The following NID2 variants were observed in gnomAD, a reference collection of about 807,000 sequenced individuals.
NID2 encodes nidogen-2.
Under a neutral mutation model 145.4 loss-of-function variants are expected in NID2, and 83 were observed. That is an observed-to-expected ratio of 0.57 (90% CI 0.48 to 0.69). The LOEUF is 0.69. Among genes scored for constraint, NID2 ranks in the 30% least tolerant of loss-of-function variants. The probability of loss-of-function intolerance (pLI) is 0.00; values close to 1 mark genes in which losing one functional copy is unlikely to be tolerated. For missense variants in NID2, 1,807 were observed against 1,765.7 expected (o/e 1.02, Z -0.42); for synonymous variants, 739 against 701.3 (o/e 1.05, Z -0.85).
intron 12 of NID2, among the ~76,000 whole-genome samples, chr14:52,020,711 T>C (rs150602119): frequency 6.6e-6 from 1 of 152,336 alleles, no homozygotes; most frequent in East Asian, 1.9e-4. Context: ...TCTTACTATC[T>C]AGAACCACAC....
At position 52,005,115 on chromosome 14, in the gene NID2, A is replaced by C. The variant is rs1279336108; in HGVS notation, c.*371T>G. 5.5e-6 allele frequency: 1 copy of C among 181,058 alleles called. No homozygotes were observed. Among genetic ancestry groups the C allele is most frequent in the African/African-American group, 2.4e-5 (1 of 42,440 alleles). 11.2% of individuals were successfully genotyped at this position (181,058 alleles called of 1,614,324 possible). ...TGTTATATTGATCACATGTGCTTTA[A>C]TTTCTTGGCCAGAAGGAATCCATGG... On this transcript the variant is annotated 3_prime_UTR_variant, in exon 22 of 22. Coordinates refer to ENST00000216286, the MANE Select transcript of NID2 (RefSeq NM_007361.4).
At chr14:52,020,322 A>C (rs1891357966) in intron 12 of NID2, 144 bp from the exon 13 acceptor site, 5 of 1,361,628 alleles carry the variant, frequency 3.7e-6, no homozygotes. Context: ...TGAGCAGAAA[A>C]ATGCTGACAC....
rs77486521 is a variant in NID2, at chr14:52,062,246, C to T, written c.535-1890G>A. ...ATCAGCAGTTCTTTTAGTTCTCTAACCCAGAAAAAACAACATCTTGCTTTG... is the reference window on the plus strand; with the variant it reads ...ATCAGCAGTTCTTTTAGTTCTCTAATCCAGAAAAAACAACATCTTGCTTTG... On this transcript the variant is annotated intron_variant, in intron 2 of 21. Coordinates refer to ENST00000216286, the MANE Select transcript of NID2 (RefSeq NM_007361.4). Among the ~76,000 whole-genome samples, 518 of 152,314 alleles carry T rather than the reference C, an allele frequency of 3.4e-3. 5 individuals are homozygous for T. Among genetic ancestry groups the T allele is most frequent in the Non-Finnish European group, 4.9e-3 (333 of 68,026 alleles).
chr14:52,035,110 C>G (rs1230753906), intron 9 of NID2, among the ~76,000 whole-genome samples: 1 of 152,154 alleles, frequency 6.6e-6, no homozygotes, highest in Non-Finnish European at 1.5e-5. Flanking sequence ...CCAATCAATA[C>G]TGACACATTA....
At chr14:52,020,537 C>CT (rs1416542119) in intron 12 of NID2, among the ~76,000 whole-genome samples, 1 of 152,200 alleles carries the variant, frequency 6.6e-6, no homozygotes, top group African/African-American at 2.4e-5. Context: ...CATTAACTTC[C>CT]TTTCAGCAAT....
At chr14:52,022,112 T>C (rs1304142686) in intron 12 of NID2, among the ~76,000 whole-genome samples, 2 of 152,198 alleles carry the variant, frequency 1.3e-5, no homozygotes, top group African/African-American at 2.4e-5. Context: ...TTTCTTATTG[T>C]TACTTTTGAA....
At chr14:52,022,407 C>T (rs2140365233) in intron 12 of NID2, among the ~76,000 whole-genome samples, 1 of 152,300 alleles carries the variant, frequency 6.6e-6, no homozygotes, top group South Asian at 2.1e-4. Flanking sequence ...TGGAGGGCCT[C>T]TCACACCATG....
rs866964267 is a variant in NID2 at position 52,010,669 on chromosome 14, A to G, written c.3722+207T>C. The G allele has an allele frequency of 6.1e-5, 32 of 525,646 alleles. No homozygotes were observed. In the Middle Eastern group the frequency reaches 2.5e-3, roughly 41 times the overall value. The allele number at this position is 525,646 out of a possible 1,614,324, so 32.6% of individuals were successfully genotyped here. On this transcript the variant is annotated intron_variant, in intron 18 of 21. Transcript: ENST00000216286. Reference sequence around the variant, plus strand: ...GTTTATACCAGTCTTGTTTCCTCCTAATAAAATATAAGTGCCATGAAAGAA... The same window carrying G: ...GTTTATACCAGTCTTGTTTCCTCCTGATAAAATATAAGTGCCATGAAAGAA...
At chr14:52,063,556 C>A (rs1388154696) in intron 2 of NID2, among the ~76,000 whole-genome samples, 1 of 152,230 alleles carries the variant, frequency 6.6e-6, no homozygotes, top group African/African-American at 2.4e-5. Flanking sequence ...TTAACTGCAG[C>A]TATCTGGACA....
chr14:52,030,529 A>AAAGG (rs1491322106), intron 9 of NID2, among the ~76,000 whole-genome samples: 2 of 47,226 alleles, frequency 4.2e-5, no homozygotes, highest in Non-Finnish European at 9.5e-5. Context: ...AGAAAGAAAG[A>AAAGG]AAGAAAGAAA....
chr14:52,068,618 G>T, intron 1 of NID2, 149 bp downstream of exon 1: 1 of 676,518 alleles, frequency 1.5e-6, no homozygotes. Context: ...GGCAGGCAGC[G>T]GCATCGCTCT....
intron 9 of NID2, among the ~76,000 whole-genome samples, chr14:52,035,188 C>T (rs775883766): frequency 3.3e-5 from 5 of 152,136 alleles, no homozygotes; most frequent in South Asian, 2.1e-4. Flanking sequence ...GACTGACAAA[C>T]GCATAATGGC....
At chr14:52,068,671 T>C in intron 1 of NID2, 96 bp downstream of exon 1, 2 of 1,099,498 alleles carry the variant, frequency 1.8e-6, no homozygotes, top group South Asian at 1.4e-5. Context: ...GCTCCAGGAG[T>C]GGGGTCTGTT....
intron 9 of NID2, among the ~76,000 whole-genome samples, chr14:52,035,881 T>TATATATATATA (rs1294844874): frequency 3.6e-4 from 18 of 49,518 alleles, no homozygotes; most frequent in East Asian, 8.1e-4. Context: ...TATATATATG[T>TATATATATATA]TTTATTTTGT....
At chr14:52,045,072 C>T (rs1218689147) in intron 5 of NID2, among the ~76,000 whole-genome samples, 1 of 152,164 alleles carries the variant, frequency 6.6e-6, no homozygotes, top group Admixed American at 6.5e-5. Flanking sequence ...ACGACCCCTT[C>T]AATGGGATCC....
At chr14:52,065,360 A>G (rs909078050) in intron 2 of NID2, among the ~76,000 whole-genome samples, 2 of 152,094 alleles carry the variant, frequency 1.3e-5, no homozygotes, top group African/African-American at 4.8e-5. Flanking sequence ...AACTATTAAA[A>G]CAAGAACTCA....
Position 52,011,616 on chromosome 14 carries a change from C to G in NID2, c.3488G>C (p.Gly1163Ala), listed in dbSNP as rs771369205. The stretch of plus-strand genomic sequence containing the variant: ...CAGACCAGCACGGCTGATTGTCCGT[C>G]CAGCAACATCTGTCCAGTACACCAT... ...ERMVYWTDVA[G>A]RTISRAGLEL... is the part of the protein sequence containing the mutation. Residue 1163 changes from glycine to alanine, a missense_variant, in exon 17 of 22, where the codon GGA becomes GCA. Coordinates refer to ENST00000216286, the MANE Select transcript of NID2 (RefSeq NM_007361.4). The G allele has an allele frequency of 4.3e-6, 7 of 1,614,106 alleles. No individual in the cohort carries two copies. Among genetic ancestry groups the G allele is most frequent in the Non-Finnish European group, 5.9e-6 (7 of 1,180,046 alleles).
intron 18 of NID2, chr14:52,010,341 A>G (rs4901177): frequency 0.1 from 15,225 of 152,426 alleles, 814 homozygotes; most frequent in Non-Finnish European, 0.11. Context: ...TGAGACAGTG[A>G]ACAAATCCTG....
At position 52,068,784 on chromosome 14, in the gene NID2, G is replaced by C. The variant is rs760178101; in HGVS notation, c.211C>G (p.Arg71Gly). 1 of 1,605,106 alleles carries C rather than the reference G, an allele frequency of 6.2e-7. No individual in the cohort carries two copies. The highest frequency in any genetic ancestry group is 8.5e-7 in the Non-Finnish European group (1 of 1,179,384). Residue 71 changes from arginine (R) to glycine (G), a missense_variant, in exon 1 of 22, where the codon CGA (arginine) becomes GGA (glycine). Physicochemically the swap from Arg to Gly is moderately radical, Grantham distance 125 (BLOSUM62 -2). Coordinates refer to ENST00000216286, the MANE Select transcript of NID2 (RefSeq NM_007361.4). ...GAACTTACGTAGAGGTTGCTGAATC[G>C]GGCTTCGTAGAAGTGCAGGGGATTC... ...LANPLHFYEA[R>G]FSNLYVGTNG...
Sources: gnomAD v4.1 joint callset for allele counts (sites outside exome capture counted in the v4.1 genomes callset) on GRCh38, gnomAD v4.1.1 for gene constraint, MANE v1.5 for transcripts, NCBI Gene and HGNC (gene_info 2026-07-23, HGNC 2026-07-21) for gene names.